The following CREBBP variants were observed in gnomAD, a reference collection of about 807,000 sequenced individuals.
CREBBP encodes the protein CREB-binding protein.
In CREBBP, 19 loss-of-function variants were observed where a neutral mutation model predicts 265.0. The ratio of observed to expected loss-of-function variants is 0.07; its 90% confidence interval spans 0.05 to 0.11. CREBBP has a LOEUF of 0.11. CREBBP is among the 10% of genes least tolerant of loss of function. The pLI is 1.00. For synonymous variants in CREBBP, 1,457 were observed against 1,223.7 expected (o/e 1.19, Z -3.98); for missense variants, 2,525 against 3,219.0 (o/e 0.78, Z 5.22).
At chr16:3,851,636 C>G (rs1030749788) in intron 1 of CREBBP, among the ~76,000 whole-genome samples, 9 of 151,970 alleles carry the variant, frequency 5.9e-5, no homozygotes, top group Non-Finnish European at 8.8e-5. Context: ...AGGCGGATCA[C>G]GAGGTCAGGA....
rs2051766772 is a variant in CREBBP at position 3,727,177 on chromosome 16, T to A, written c.*541A>T. 1.7e-5 allele frequency: 4 copies of A among 242,386 alleles called. 1 individual carries two copies. The Admixed American group carries it at 2.1e-4, about 13-fold the overall frequency. 15.0% of individuals were successfully genotyped at this position (242,386 alleles called of 1,614,324 possible). ...GTACGTGTGTGCACGCCGGAGTCAATTCCTATCATCCAGGGTAATACTGGG... is the reference window on the plus strand; with the variant it reads ...GTACGTGTGTGCACGCCGGAGTCAAATCCTATCATCCAGGGTAATACTGGG... On this transcript the variant is annotated 3_prime_UTR_variant, in exon 31 of 31. Coordinates refer to ENST00000262367, the MANE Select transcript of CREBBP (RefSeq NM_004380.3).
rs549516833 is a variant in CREBBP at position 3,726,504 on chromosome 16, C to G, written c.*1214G>C. On this transcript the variant is annotated 3_prime_UTR_variant, in exon 31 of 31. Transcript: ENST00000262367. The stretch of plus-strand genomic sequence containing the variant: ...CCACAGTTCCCAGCCACCACCCACG[C>G]CGCCACAACCACAACCGCAGCCCCA... 3.9e-5 allele frequency: 9 copies of G among 233,578 alleles called. No homozygotes were observed. In the South Asian group the frequency reaches 1.4e-3, roughly 38 times the overall value. 14.5% of individuals were successfully genotyped at this position (233,578 alleles called of 1,614,324 possible).
At chr16:3,876,422 A>AAAAAAAAAAC (rs2055404060) in intron 1 of CREBBP, among the ~76,000 whole-genome samples, 1 of 150,082 alleles carries the variant, frequency 6.7e-6, no homozygotes, top group African/African-American at 2.5e-5. Flanking sequence ...AAAAAAAAAA[A>AAAAAAAAAAC]AAAACAACCC....
At chr16:3,784,639 C>T (rs2053346078) in intron 5 of CREBBP, 1 of 152,236 alleles carries the variant, frequency 6.6e-6, no homozygotes, top group Non-Finnish European at 1.5e-5. Flanking sequence ...ATTTAACACA[C>T]ATGGTGATGG....
intron 2 of CREBBP, among the ~76,000 whole-genome samples, chr16:3,821,667 C>T (rs902771839): frequency 1.3e-4 from 20 of 151,652 alleles, no homozygotes; most frequent in African/African-American, 3.4e-4. Flanking sequence ...CAACTTCACA[C>T]GGGCAATGGA....
In CREBBP at chr16:3,773,815, G is replaced by A. The variant is rs371771785; in HGVS notation, c.2399C>T (p.Pro800Leu). ...CACACTCATCGCCCCGCTGGATGAC[G>A]GGAACTGGTTCTGTGGCAGAAACTG... ...QSQFLPQNQF[P>L]SSSGAMSVGM... The change falls in exon 13 of 31, where the codon CCG (proline) becomes CTG (leucine). Residue 800 changes from proline (P) to leucine (L), a missense_variant. Coordinates refer to ENST00000262367, the MANE Select transcript of CREBBP (RefSeq NM_004380.3). The A allele has an allele frequency of 3.7e-6, 6 of 1,613,082 alleles. No individual in the cohort carries two copies. Among genetic ancestry groups the A allele is most frequent in the South Asian group, 1.1e-5 (1 of 91,036 alleles).
intron 16 of CREBBP, among the ~76,000 whole-genome samples, chr16:3,759,198 T>C (rs2052653627): frequency 6.6e-6 from 1 of 152,186 alleles, no homozygotes; most frequent in African/African-American, 2.4e-5. Context: ...GGAAGTTTGC[T>C]TCTTCCATGA....
chr16:3,803,680 G>C (rs552807575), intron 3 of CREBBP, among the ~76,000 whole-genome samples: 9 of 152,132 alleles, frequency 5.9e-5, no homozygotes, highest in Non-Finnish European at 1.3e-4. Context: ...CAAGGGCGAG[G>C]GACTTGCCAC....
intron 2 of CREBBP, among the ~76,000 whole-genome samples, chr16:3,826,491 C>T (rs2054239766): frequency 6.6e-6 from 1 of 152,106 alleles, no homozygotes; most frequent in Non-Finnish European, 1.5e-5. Context: ...TGGCTGTGGG[C>T]AGCATCAACC....
Position 3,834,896 on chromosome 16 carries a change from C to T in CREBBP, c.798+15401G>A, listed in dbSNP as rs571803252. ...TTCTTGGGCCAGGCGCAGTGGCTCA[C>T]GCCTGTAATCCCAGCACTTTGGGAG... On this transcript the variant is annotated intron_variant, in intron 2 of 30. Coordinates refer to ENST00000262367, the MANE Select transcript of CREBBP (RefSeq NM_004380.3). 1.6e-4 allele frequency among the ~76,000 whole-genome samples: 25 copies of T among 152,316 alleles called. No individual in the cohort carries two copies. The East Asian group carries it at 4.4e-3, about 27-fold the overall frequency.
chr16:3,774,042 G>A lies in CREBBP; in HGVS notation c.2284-112C>T, dbSNP rs2053079170. On this transcript the variant is annotated intron_variant, in intron 12 of 30. Coordinates refer to ENST00000262367, the MANE Select transcript of CREBBP (RefSeq NM_004380.3). The stretch of plus-strand genomic sequence containing the variant: ...ACAACCCCAGAGGATGGCAAGCACA[G>A]GGCTCACATCCTGCCCTTCCTCATG... The A allele has an allele frequency of 1.4e-5, 17 of 1,180,508 alleles. No individual in the cohort carries two copies. In the Admixed American group the frequency reaches 1.9e-4, roughly 13 times the overall value. The allele number at this position is 1,180,508 out of a possible 1,614,324, so 73.1% of individuals were successfully genotyped here. A position where few individuals can be genotyped will look rare whatever the true frequency, so the allele number is the denominator to read the frequency against.
intron 23 of CREBBP, among the ~76,000 whole-genome samples, chr16:3,744,494 A>G (rs531134903): frequency 6.6e-6 from 1 of 152,304 alleles, no homozygotes; most frequent in South Asian, 2.1e-4. Context: ...TCATATAACA[A>G]TCAGGCCAAA....
At chr16:3,809,763 T>C (rs1302417086) in intron 3 of CREBBP, among the ~76,000 whole-genome samples, 1 of 152,110 alleles carries the variant, frequency 6.6e-6, no homozygotes, top group Non-Finnish European at 1.5e-5. Context: ...ATAAAAAGCA[T>C]AAAAAACCGA....
At chr16:3,789,399 G>A (rs1346052615) in intron 5 of CREBBP, among the ~76,000 whole-genome samples, 1 of 152,160 alleles carries the variant, frequency 6.6e-6, no homozygotes, top group Non-Finnish European at 1.5e-5. Flanking sequence ...TTTGCACTGG[G>A]CTCCACCAAG....
chr16:3,771,474 C>T (rs762111279), intron 13 of CREBBP, among the ~76,000 whole-genome samples: 29 of 152,180 alleles, frequency 1.9e-4, no homozygotes, highest in Admixed American at 3.3e-4. Context: ...TAAAACTACA[C>T]ACGTTTCTTA....
Position 3,782,811 on chromosome 16 carries a change from C to T in CREBBP, c.1446G>A (p.Gln482=). The stretch of plus-strand genomic sequence containing the variant: ...GGAGTCCGAGAGCAGCATAGGCTCG[C>T]TGCATGGAGCTGGGGTCTATGGGAT... ...NPNPIDPSSM[Q]RAYAALGLPY... is the part of the protein sequence containing the mutation. Residue 482 remains glutamine, a synonymous_variant, in exon 6 of 31, where the codon CAG becomes CAA. Coordinates refer to ENST00000262367, the MANE Select transcript of CREBBP (RefSeq NM_004380.3). The T allele has an allele frequency of 1.2e-6, 2 of 1,614,154 alleles. No homozygotes were observed.
chr16:3,849,419 GTGTGTGTGTGTGTGTGTGTGTGTGT>G (rs1567359964), intron 2 of CREBBP, among the ~76,000 whole-genome samples: 38 of 7,728 alleles, frequency 4.9e-3, no homozygotes, highest in Non-Finnish European at 0.044. Flanking sequence ...GTGTGTGTGT[GTGTGTGTGTGTGTGTGTGTGTGTGT>G]GTGTGTGTGT....
In CREBBP at chr16:3,780,718, A is replaced by G. The variant is rs774499402; in HGVS notation, c.1823+14T>C. The G allele has an allele frequency of 6.2e-7, 1 of 1,613,730 alleles. No homozygotes were observed. The highest frequency in any genetic ancestry group is 8.5e-7 in the Non-Finnish European group (1 of 1,179,964). ...AAAATCAAACATCTATGAAACTGCA[A>G]AACTGTTACGTACAGTTTATGCACT... On this transcript the variant is annotated intron_variant, in intron 8 of 30. Coordinates refer to ENST00000262367, the MANE Select transcript of CREBBP (RefSeq NM_004380.3).
At chr16:3,876,798 A>G (rs2055412910) in intron 1 of CREBBP, among the ~76,000 whole-genome samples, 1 of 152,112 alleles carries the variant, frequency 6.6e-6, no homozygotes, top group East Asian at 1.9e-4. Flanking sequence ...GTATTTCTGC[A>G]TCATCTCTGC....
Sources: allele counts gnomAD v4.1 joint callset (sites outside exome capture counted in the v4.1 genomes callset), GRCh38; gene constraint gnomAD v4.1.1; transcripts MANE v1.5; gene names NCBI Gene and HGNC (gene_info 2026-07-23, HGNC 2026-07-21).